The following PHKB variants were observed in gnomAD, a reference collection of about 807,000 sequenced individuals.
The protein encoded by PHKB is phosphorylase kinase regulatory subunit beta.
Under a neutral mutation model 152.1 loss-of-function variants are expected in PHKB, and 122 were observed. The ratio of observed to expected loss-of-function variants is 0.80; its 90% CI spans 0.69 to 0.93. The LOEUF is 0.93. PHKB is among the 40% of genes least tolerant of loss of function. PHKB has a pLI of 0.00. For synonymous variants in PHKB, 436 were observed against 464.9 expected (o/e 0.94, Z 0.80); for missense variants, 1,304 against 1,328.4 (o/e 0.98, Z 0.29).
At chr16:47,696,984 T>G (rs1292938923) in intron 29 of PHKB, among the ~76,000 whole-genome samples, 3 of 152,204 alleles carry the variant, frequency 2.0e-5, no homozygotes, top group Non-Finnish European at 4.4e-5. Context: ...TCTAGACATC[T>G]CTATGTGCAG....
chr16:47,639,344 A>G (rs1379873751), intron 14 of PHKB, among the ~76,000 whole-genome samples: 1 of 152,228 alleles, frequency 6.6e-6, no homozygotes, highest in African/African-American at 2.4e-5. Context: ...AAAACAGAAC[A>G]GATAGTTTCA....
intron 11 of PHKB, among the ~76,000 whole-genome samples, chr16:47,593,893 C>A (rs1251921303): frequency 2.0e-5 from 3 of 152,096 alleles, no homozygotes; most frequent in Non-Finnish European, 4.4e-5. Context: ...AACATTTATA[C>A]TTAGGAATAG....
At chr16:47,658,936 A>G (rs1167806892) in intron 20 of PHKB, among the ~76,000 whole-genome samples, 1 of 152,110 alleles carries the variant, frequency 6.6e-6, no homozygotes, top group Non-Finnish European at 1.5e-5. Context: ...TTCATGCTGT[A>G]TCCTCAATAC....
rs1970563591 is a variant in PHKB, at chr16:47,514,551, A to G, written c.514-970A>G. 5.9e-5 allele frequency among the ~76,000 whole-genome samples: 9 copies of G among 152,206 alleles called. 1 individual carries two copies. In the South Asian group the frequency reaches 1.4e-3, roughly 24 times the overall value. Reference sequence around the variant, plus strand: ...TTTTTGTTCCATCTGGGTGGCCCCCAGTCAATTGGGTGGCACCTGCCGACC... The same window carrying G: ...TTTTTGTTCCATCTGGGTGGCCCCCGGTCAATTGGGTGGCACCTGCCGACC... On this transcript the variant is annotated intron_variant, in intron 5 of 30. Transcript: ENST00000323584.
intron 26 of PHKB, among the ~76,000 whole-genome samples, chr16:47,686,366 C>T (rs1011426936): frequency 5.9e-5 from 9 of 152,306 alleles, no homozygotes; most frequent in Admixed American, 2.6e-4. Flanking sequence ...TTGACTGTGA[C>T]ACTTGCTTAA....
chr16:47,647,214 C>G (rs2151729607), intron 16 of PHKB, among the ~76,000 whole-genome samples: 1 of 152,258 alleles, frequency 6.6e-6, no homozygotes, highest in South Asian at 2.1e-4. Flanking sequence ...ACCTCTGCTT[C>G]CTGGGTTCAA....
At chr16:47,495,993 T>C (rs1290591119) in intron 1 of PHKB, among the ~76,000 whole-genome samples, 1 of 152,162 alleles carries the variant, frequency 6.6e-6, no homozygotes, top group Admixed American at 6.5e-5. Context: ...CTTTACGTTC[T>C]TCTTATTGTT....
rs776018181 is a variant in PHKB, at chr16:47,587,714, G to A, written c.821G>A (p.Arg274His). The change falls in exon 9 of 31, where the codon CGC (arginine) becomes CAC (histidine). Residue 274 changes from arginine to histidine, a missense_variant. Physicochemically the swap from Arg to His is conservative, Grantham distance 29. Coordinates refer to ENST00000323584, the MANE Select transcript of PHKB (RefSeq NM_000293.3). The stretch of plus-strand genomic sequence containing the variant: ...TTTGTGGATCTCGATGCTCACAATC[G>A]CAACAGGCAAACTTTGTGCTCGCTG... The part of the protein sequence containing the change: ...VIFVDLDAHN[R>H]NRQTLCSLLP... 2.0e-5 allele frequency: 33 copies of A among 1,613,072 alleles called. No homozygotes were observed. The highest frequency in any genetic ancestry group is 2.5e-5 in the Non-Finnish European group (30 of 1,179,512).
rs1381191668 is a variant in PHKB at position 47,665,927 on chromosome 16, C to A, written c.2427+952C>A. The stretch of plus-strand genomic sequence containing the variant: ...GATTTGTGAACATCTGGCCTGCTCT[C>A]TTCTTTGCCCCCAGGTCGGTTGTAC... On this transcript the variant is annotated intron_variant, in intron 25 of 30. Coordinates refer to ENST00000323584, the MANE Select transcript of PHKB (RefSeq NM_000293.3). 8.1e-6 allele frequency: 13 copies of A among 1,601,188 alleles called. No individual in the cohort carries two copies. Among genetic ancestry groups the A allele is most frequent in the African/African-American group, 6.7e-5 (5 of 74,696 alleles).
intron 26 of PHKB, among the ~76,000 whole-genome samples, chr16:47,680,710 A>C (rs1467604327): frequency 6.6e-6 from 1 of 152,042 alleles, no homozygotes. Context: ...TGATCTTTTC[A>C]AAAAACCAGC....
chr16:47,667,238 C>A (rs1973554672), intron 25 of PHKB, among the ~76,000 whole-genome samples: 1 of 151,784 alleles, frequency 6.6e-6, no homozygotes, highest in Non-Finnish European at 1.5e-5. Flanking sequence ...TCGAGACCAG[C>A]CTGAGCACAT....
intron 16 of PHKB, among the ~76,000 whole-genome samples, chr16:47,647,914 T>A (rs975063827): frequency 2.6e-5 from 4 of 152,168 alleles, no homozygotes; most frequent in Non-Finnish European, 4.4e-5. Context: ...ATAATATGAG[T>A]ATATATTTAT....
chr16:47,506,180 C>T (rs527491833), intron 4 of PHKB, among the ~76,000 whole-genome samples: 48 of 148,276 alleles, frequency 3.2e-4, no homozygotes, highest in African/African-American at 9.4e-4. Context: ...AGTGAGACTC[C>T]GCCTCAAAAA....
Position 47,594,169 on chromosome 16 carries a change from G to A in PHKB, c.1159G>A (p.Glu387Lys), listed in dbSNP as rs1378077788. The change falls in exon 12 of 31, where the codon GAA becomes AAA. Residue 387 changes from glutamate to lysine, a missense_variant. By Grantham distance (56) the Glu-to-Lys change is moderately conservative. Coordinates refer to ENST00000323584, the MANE Select transcript of PHKB (RefSeq NM_000293.3). Reference protein sequence around the residue: ...VFRGNPKQVQEYQDLLTPVLH... With the variant: ...VFRGNPKQVQKYQDLLTPVLH... ...TAGAGGCAATCCTAAGCAAGTACAG[G>A]AATATCAGGATCTTTTGACTCCAGT... 3.8e-6 allele frequency: 6 copies of A among 1,580,318 alleles called. No individual in the cohort carries two copies. Among genetic ancestry groups the A allele is most frequent in the South Asian group, 2.2e-5 (2 of 90,300 alleles).
rs145481101 is a variant in PHKB at position 47,486,339 on chromosome 16, G to T, written c.77-11060G>T. Among the ~76,000 whole-genome samples, 463 of 152,252 alleles carry T rather than the reference G, an allele frequency of 3.0e-3. 3 individuals are homozygous for T. The highest frequency in any genetic ancestry group is 0.011 in the African/African-American group (447 of 41,538). On this transcript the variant is annotated intron_variant, in intron 1 of 30. Coordinates refer to ENST00000323584, the MANE Select transcript of PHKB (RefSeq NM_000293.3). ...AAGTTGAGAATGTATTGGATGACTT[G>T]TCCTTTCGCTAGTTTGTATCAGTGA...
At chr16:47,663,881 C>A in intron 24 of PHKB, 147 bp downstream of exon 24, 1 of 678,494 alleles carries the variant, frequency 1.5e-6, no homozygotes, top group East Asian at 2.7e-5. Flanking sequence ...AAGAATGTGC[C>A]TATGTAGCAT....
chr16:47,619,170 AAGGTCCCAC>A (rs1247423640), intron 14 of PHKB: 1 of 152,216 alleles, frequency 6.6e-6, no homozygotes. Context: ...TAATCTCTCC[AAGGTCCCAC>A]AGTTGTCAAG....
intron 1 of PHKB, among the ~76,000 whole-genome samples, chr16:47,471,726 A>G (rs541205683): frequency 6.6e-6 from 1 of 152,344 alleles, no homozygotes; most frequent in East Asian, 1.9e-4. Context: ...AACGGAGAAT[A>G]AACTAACTTT....
At chr16:47,640,529 AT>A (rs1972999726) in intron 14 of PHKB, among the ~76,000 whole-genome samples, 1 of 152,222 alleles carries the variant, frequency 6.6e-6, no homozygotes, top group Non-Finnish European at 1.5e-5. Context: ...ATGCTCTATT[AT>A]AAGAATTATA....
Sources: allele counts gnomAD v4.1 joint callset (sites outside exome capture counted in the v4.1 genomes callset), GRCh38; gene constraint gnomAD v4.1.1; transcripts MANE v1.5; gene names NCBI Gene and HGNC (gene_info 2026-07-23, HGNC 2026-07-21).